Variants in DOP1B observed in about 807,000 individuals in gnomAD.
DOP1B encodes the protein protein DOP1B.
In DOP1B, 174 loss-of-function variants were observed where a neutral mutation model predicts 233.5. That is an observed-to-expected ratio of 0.75 (90% CI 0.66 to 0.85). DOP1B has a LOEUF of 0.85. Among genes scored for constraint, DOP1B ranks in the 40% least tolerant of loss-of-function variants. The pLI is 0.00. For synonymous variants in DOP1B, 1,190 were observed against 1,185.6 expected (o/e 1.00, Z -0.08); for missense variants, 2,652 against 2,846.6 (o/e 0.93, Z 1.56).
chr21:36,200,169 A>G (rs2066344402), intron 3 of DOP1B, among the ~76,000 whole-genome samples, 162 bp from the exon 4 acceptor site: 1 of 152,182 alleles, frequency 6.6e-6, no homozygotes, highest in Admixed American at 6.5e-5. Flanking sequence ...CTTGTTACGT[A>G]ACAGTGTTTT....
chr21:36,223,428 C>T, intron 11 of DOP1B, 78 bp downstream of exon 11: 2 of 1,541,116 alleles, frequency 1.3e-6, no homozygotes. Flanking sequence ...CTTAGAATAT[C>T]AGATTATATA....
intron 2 of DOP1B, among the ~76,000 whole-genome samples, chr21:36,165,863 C>A (rs540655845): frequency 2.0e-5 from 3 of 151,794 alleles, no homozygotes; most frequent in East Asian, 2.0e-4. Context: ...ATTACAGGCA[C>A]GTGCCACCAC....
rs771674244 is a variant in DOP1B at position 36,237,341 on chromosome 21, G to A, written c.2702G>A (p.Arg901Gln). ...HHVTCVELFY[R>Q]LHCLAPTANI... is the part of the protein sequence containing the mutation. ...GTCACCTGCGTAGAATTGTTCTACCGGCTGCACTGCCTGGCCCCTACGGCC... is the reference window on the plus strand; with the variant it reads ...GTCACCTGCGTAGAATTGTTCTACCAGCTGCACTGCCTGGCCCCTACGGCC... The change falls in exon 16 of 37, where the codon CGG (arginine) becomes CAG (glutamine). Residue 901 changes from arginine to glutamine, a missense_variant. By Grantham distance (43) the Arg-to-Gln change is conservative. Coordinates refer to ENST00000691173, the MANE Select transcript of DOP1B (RefSeq NM_001320714.2). The A allele has an allele frequency of 1.2e-5, 20 of 1,614,018 alleles. No homozygotes were observed. The highest frequency in any genetic ancestry group is 1.7e-5 in the Admixed American group (1 of 59,988).
chr21:36,228,735 C>T (rs2066722545), intron 13 of DOP1B, among the ~76,000 whole-genome samples: 1 of 151,444 alleles, frequency 6.6e-6, no homozygotes. Context: ...CACTGCAGTC[C>T]AGCCTAGGCG....
At chr21:36,231,158 C>T in intron 14 of DOP1B, 24 bp downstream of exon 14, 1 of 1,555,304 alleles carries the variant, frequency 6.4e-7, no homozygotes, top group South Asian at 1.2e-5. Context: ...CTGCCGAAGT[C>T]CCTCTTTGGG....
intron 27 of DOP1B, among the ~76,000 whole-genome samples, chr21:36,276,424 G>A (rs935632231): frequency 3.9e-5 from 6 of 152,066 alleles, no homozygotes; most frequent in East Asian, 3.9e-4. Context: ...CCAGCTACTC[G>A]GGAGGCTAAG....
At chr21:36,233,756 T>G (rs1022519491) in intron 15 of DOP1B, among the ~76,000 whole-genome samples, 1 of 152,210 alleles carries the variant, frequency 6.6e-6, no homozygotes, top group Non-Finnish European at 1.5e-5. Context: ...AGAGGGTCTG[T>G]CTGTGGAACT....
intron 4 of DOP1B, among the ~76,000 whole-genome samples, chr21:36,207,373 T>C (rs543552007): frequency 4.0e-5 from 6 of 151,764 alleles, no homozygotes; most frequent in Non-Finnish European, 8.8e-5. Flanking sequence ...TTAATAGAGA[T>C]GGGGTTTCAC....
In DOP1B at chr21:36,278,208, G is replaced by C; in HGVS notation, c.5823-1G>C. 3 of 1,613,902 alleles carry C rather than the reference G, an allele frequency of 1.9e-6. No individual in the cohort carries two copies. Among genetic ancestry groups the C allele is most frequent in the Non-Finnish European group, 2.5e-6 (3 of 1,179,936 alleles). ...CCTTCTCTCTTCCCACTCCCACTCA[G>C]TGCCTACAATGCTCCCAGCTTCCGG... On this transcript the variant is annotated splice_acceptor_variant, in intron 29 of 36. Coordinates refer to ENST00000691173, the MANE Select transcript of DOP1B (RefSeq NM_001320714.2). LOFTEE classifies it high-confidence loss of function.
chr21:36,193,343 G>A (rs993592694), intron 2 of DOP1B, among the ~76,000 whole-genome samples: 1 of 152,152 alleles, frequency 6.6e-6, no homozygotes, highest in Non-Finnish European at 1.5e-5. Flanking sequence ...ACTGGATGCG[G>A]GCTGTGATGA....
intron 14 of DOP1B, among the ~76,000 whole-genome samples, chr21:36,231,347 C>T (rs1223040631): frequency 2.0e-5 from 3 of 152,184 alleles, no homozygotes; most frequent in South Asian, 2.1e-4. Context: ...CTGTTTCCTT[C>T]GAGCATCATG....
Position 36,248,401 on chromosome 21 carries a change from G to C in DOP1B, c.4831G>C (p.Ala1611Pro), listed in dbSNP as rs778522851. 1 of 1,613,786 alleles carries C rather than the reference G, an allele frequency of 6.2e-7. No individual in the cohort carries two copies. The change falls in exon 21 of 37, where the codon GCC (alanine) becomes CCC (proline). Residue 1611 changes from alanine (A) to proline (P), a missense_variant. Ala to Pro is a conservative substitution (Grantham distance 27). Transcript: ENST00000691173. ...TTAGACCATGGCTGCAGGTGATCCT[G>C]CCAACTTGAGGAATGCCAGAAATGC... ...NKKTMAAGDP[A>P]NLRNARNAIL...
intron 2 of DOP1B, among the ~76,000 whole-genome samples, chr21:36,173,043 C>T (rs1161954486): frequency 6.6e-6 from 1 of 151,876 alleles, no homozygotes; most frequent in African/African-American, 2.4e-5. Flanking sequence ...TCGCTTGAAC[C>T]TGGGAGGCAG....
chr21:36,258,006 G>A (rs111278107), intron 23 of DOP1B, among the ~76,000 whole-genome samples: 61 of 147,392 alleles, frequency 4.1e-4, no homozygotes, highest in African/African-American at 1.6e-3. Flanking sequence ...TAGGTAGGTA[G>A]GTAGATAGGT....
rs138745871 is a variant in DOP1B, at chr21:36,230,626, C to T, written c.1842C>T (p.Asp614=). The T allele has an allele frequency of 1.4e-5, 22 of 1,614,132 alleles. No individual in the cohort carries two copies. Among genetic ancestry groups the T allele is most frequent in the South Asian group, 1.1e-4 (10 of 91,076 alleles). The change falls in exon 14 of 37, where the codon GAC becomes GAT. Residue 614 remains aspartate (D), a synonymous_variant. Coordinates refer to ENST00000691173, the MANE Select transcript of DOP1B (RefSeq NM_001320714.2). ...LRVPRVSLER[D]DVWKKGGSMQ... Reference sequence around the variant, plus strand: ...TTCCTCGAGTTTCTCTGGAAAGGGACGACGTTTGGAAGAAGGGCGGGAGCA... The same window carrying T: ...TTCCTCGAGTTTCTCTGGAAAGGGATGACGTTTGGAAGAAGGGCGGGAGCA...
In DOP1B at chr21:36,246,131, A is replaced by G; in HGVS notation, c.4151A>G (p.Gln1384Arg). The change falls in exon 19 of 37, where the codon CAG becomes CGG. Residue 1384 changes from glutamine to arginine, a missense_variant. Physicochemically the swap from Gln to Arg is conservative, Grantham distance 43. This residue lies in a region of DOP1B where 2,617 missense variants were observed against 2,794.3 expected (regional missense o/e 0.94). Transcript: ENST00000691173. The surrounding 1 kb of genome is among the most constrained non-coding windows in gnomAD (Gnocchi z 5.1). ...IHSLLQRCKVQEFVLLSLSAS... is the reference protein window; with the variant it reads ...IHSLLQRCKVREFVLLSLSAS... The stretch of plus-strand genomic sequence containing the variant: ...AGCTTGCTGCAGAGGTGCAAAGTTC[A>G]GGAGTTTGTCCTGCTCTCCCTGTCG... The G allele has an allele frequency of 1.2e-6, 2 of 1,614,072 alleles. No individual in the cohort carries two copies. The highest frequency in any genetic ancestry group is 1.7e-5 in the Admixed American group (1 of 60,008).
At chr21:36,182,572 A>G (rs930923170) in intron 2 of DOP1B, among the ~76,000 whole-genome samples, 6 of 152,190 alleles carry the variant, frequency 3.9e-5, no homozygotes, top group African/African-American at 1.2e-4. Flanking sequence ...GCTGGTTCAC[A>G]TCTATAATCC....
intron 27 of DOP1B, among the ~76,000 whole-genome samples, chr21:36,275,147 A>T (rs559774950): frequency 1.8e-4 from 28 of 151,768 alleles, no homozygotes; most frequent in African/African-American, 6.5e-4. Context: ...ACCCGGCCTG[A>T]TTTGTTTTTA....
intron 29 of DOP1B, 37 bp from the exon 30 acceptor site, chr21:36,278,172 T>C: frequency 6.2e-7 from 1 of 1,613,636 alleles, no homozygotes; most frequent in Middle Eastern, 1.7e-4. Flanking sequence ...TGGACAGTCC[T>C]TGACCTTGAC....
Sources: gnomAD v4.1 joint callset for allele counts (sites outside exome capture counted in the v4.1 genomes callset) on GRCh38, gnomAD v4.1.1 for gene constraint, gnomAD v4.1.1 regional missense constraint, Gnocchi (gnomAD v3.1) non-coding constraint, MANE v1.5 for transcripts, NCBI Gene and HGNC (gene_info 2026-07-23, HGNC 2026-07-21) for gene names.